DMBX1: variants seen among roughly 807,000 people sequenced by gnomAD.
The protein encoded by DMBX1 is diencephalon/mesencephalon homeobox 1.
Under a neutral mutation model 30.4 loss-of-function variants are expected in DMBX1, and 7 were observed. The observed-to-expected ratio is 0.23, with a 90% confidence interval of 0.13 to 0.43. The LOEUF is 0.43. Ranked by LOEUF, DMBX1 falls within the 20% of genes least tolerant of loss-of-function variation. The pLI, the probability that DMBX1 is intolerant of heterozygous loss-of-function variation, is 1.00. For synonymous variants in DMBX1, 222 were observed against 214.2 expected, an observed-to-expected ratio of 1.04 and a Z score of -0.32; for missense variants, 460 against 508.5, an observed-to-expected ratio of 0.90 and a Z score of 0.92.
At chr1:46,499,878 G>A (rs1170650173) in intron 2 of DMBX1, among the ~76,000 whole-genome samples, 1 of 152,204 alleles carries the variant, frequency 6.6e-6, no homozygotes, top group Non-Finnish European at 1.5e-5. Context: ...GGCACAGAGT[G>A]TGTTCAGTAC....
rs116842616 is a variant in DMBX1 at position 46,496,426 on chromosome 1, G to A, written c.-13+5643G>A. On this transcript the variant is annotated intron_variant, in intron 2 of 5. Coordinates refer to ENST00000360032, the MANE Select transcript of DMBX1 (RefSeq NM_172225.2). ...CTTAGCCTTCCCCATTCCCAAGCAG[G>A]CCAGCCAAAGGGACTCACCTTCCTT... is the stretch of plus-strand genomic sequence containing the variant. Among the ~76,000 whole-genome samples the A allele has an allele frequency of 5.5e-3, 838 of 152,270 alleles. 12 individuals are homozygous for A. The highest frequency in any genetic ancestry group is 0.054 in the East Asian group (279 of 5,182).
chr1:46,509,478 CAG>C (rs1414280592), intron 3 of DMBX1, among the ~76,000 whole-genome samples: 2 of 152,146 alleles, frequency 1.3e-5, no homozygotes, highest in African/African-American at 2.4e-5. Flanking sequence ...TCAGCACAAA[CAG>C]GGCAGGATCC....
chr1:46,511,378 C>CAGTTG, intron 5 of DMBX1, 95 bp downstream of exon 5: 1 of 1,297,190 alleles, frequency 7.7e-7, no homozygotes, highest in Non-Finnish European at 1.0e-6. Flanking sequence ...CCCTCAGGGG[C>CAGTTG]ATGGCGCATC....
At chr1:46,507,911 G>A (rs767589631) in intron 3 of DMBX1, among the ~76,000 whole-genome samples, 5 of 152,302 alleles carry the variant, frequency 3.3e-5, no homozygotes, top group Non-Finnish European at 5.9e-5. Flanking sequence ...GCATTCAGCA[G>A]AGCCTGGTAG....
chr1:46,511,102 C>T lies in DMBX1; in HGVS notation c.501C>T (p.Gly167=). 1 of 1,614,070 alleles carries T rather than the reference C, an allele frequency of 6.2e-7. No homozygotes were observed. The highest frequency in any genetic ancestry group is 8.5e-7 in the Non-Finnish European group (1 of 1,180,006). Residue 167 remains glycine, a synonymous_variant, in exon 5 of 6, where the codon GGC becomes GGT. Coordinates refer to ENST00000360032, the MANE Select transcript of DMBX1 (RefSeq NM_172225.2). ...LDTEQPPRLP[G]SDPPAELHLS... The stretch of plus-strand genomic sequence containing the variant: ...CTGAGCAGCCCCCACGTCTGCCTGG[C>T]AGCGACCCCCCTGCTGAGCTTCACC...
rs1666255237 is a variant in DMBX1, at chr1:46,507,184, G to A, written c.154+20G>A. The A allele has an allele frequency of 6.2e-7, 1 of 1,613,534 alleles. No homozygotes were observed. Among genetic ancestry groups the A allele is most frequent in the African/African-American group, 1.3e-5 (1 of 74,938 alleles). ...TGGCTGGTAAGGGCCCTGGGGATGG[G>A]ACCATGGGGACAGGACTGTGGGGGT... is the stretch of plus-strand genomic sequence containing the variant. On this transcript the variant is annotated intron_variant, in intron 3 of 5. Transcript: ENST00000360032.
At chr1:46,497,028 G>C (rs983255741) in intron 2 of DMBX1, among the ~76,000 whole-genome samples, 1 of 152,222 alleles carries the variant, frequency 6.6e-6, no homozygotes, top group African/African-American at 2.4e-5. Flanking sequence ...CATGGCAACA[G>C]GCTACTCTCG....
Position 46,493,800 on chromosome 1 carries a change from C to T in DMBX1, c.-13+3017C>T, listed in dbSNP as rs971606135. On this transcript the variant is annotated intron_variant, in intron 2 of 5. Transcript: ENST00000360032. The surrounding 1 kb of genome is among the most constrained non-coding windows in gnomAD (Gnocchi z 4.1). ...GTGTGCAGAGCAGGAGCCGCAACCGCGCTTTCTGCGCCCGCAGGACAGACC... is the reference window on the plus strand; with the variant it reads ...GTGTGCAGAGCAGGAGCCGCAACCGTGCTTTCTGCGCCCGCAGGACAGACC... 2.0e-5 allele frequency among the ~76,000 whole-genome samples: 3 copies of T among 152,262 alleles called. No homozygotes were observed. Among genetic ancestry groups the T allele is most frequent in the South Asian group, 2.1e-4 (1 of 4,834 alleles).
chr1:46,507,111 C>A lies in DMBX1; in HGVS notation c.101C>A (p.Ala34Asp), dbSNP rs1376267176. 7 of 1,614,244 alleles carry A rather than the reference C, an allele frequency of 4.3e-6. No individual in the cohort carries two copies. The highest frequency in any genetic ancestry group is 5.9e-6 in the Non-Finnish European group (7 of 1,180,044). ...CAGGCAGCCCAGCAGGCCCAGCATG[C>A]CCCCGACTACCGGCCTTCAGTGCAT... ...HQQAAQQAQHAPDYRPSVHAL... is the reference protein window; with the variant it reads ...HQQAAQQAQHDPDYRPSVHAL... Residue 34 changes from alanine to aspartate, a missense_variant, in exon 3 of 6, where the codon GCC becomes GAC. By Grantham distance (126) the Ala-to-Asp change is moderately radical (BLOSUM62 -2). Around this residue, in one of 3 missense-constraint regions of DMBX1, gnomAD observed 124 missense variants for 144.0 expected, o/e 0.86. Coordinates refer to ENST00000360032, the MANE Select transcript of DMBX1 (RefSeq NM_172225.2).
Position 46,516,191 on chromosome 1 carries a change from C to T in DMBX1, c.*3697C>T, listed in dbSNP as rs541251916. Reference sequence around the variant, plus strand: ...GTGACCTGTTCTTTGTCTTACTTGGCGAATAAAAGAGAACCCAGCAGCCCA... The same window carrying T: ...GTGACCTGTTCTTTGTCTTACTTGGTGAATAAAAGAGAACCCAGCAGCCCA... On this transcript the variant is annotated 3_prime_UTR_variant, in exon 6 of 6. Transcript: ENST00000360032. Among the ~76,000 whole-genome samples the T allele has an allele frequency of 1.3e-5, 2 of 152,148 alleles. No homozygotes were observed. Among genetic ancestry groups the T allele is most frequent in the African/African-American group, 2.4e-5 (1 of 41,420 alleles).
At chr1:46,505,530 C>T (rs1452436387) in intron 2 of DMBX1, among the ~76,000 whole-genome samples, 1 of 147,196 alleles carries the variant, frequency 6.8e-6, no homozygotes, top group East Asian at 2.0e-4. Flanking sequence ...TATTCTCACT[C>T]ATAGGTGGGA....
chr1:46,497,736 G>T (rs979266194), intron 2 of DMBX1, among the ~76,000 whole-genome samples: 1 of 152,240 alleles, frequency 6.6e-6, no homozygotes, highest in Non-Finnish European at 1.5e-5. Flanking sequence ...AGCCAGCAGC[G>T]ATGCGGGGAC....
At position 46,493,474 on chromosome 1, in the gene DMBX1, T is replaced by C. The variant is rs1665969172; in HGVS notation, c.-13+2691T>C. Among the ~76,000 whole-genome samples, 1 of 152,248 alleles carries C rather than the reference T, an allele frequency of 6.6e-6. No individual in the cohort carries two copies. The highest frequency in any genetic ancestry group is 1.5e-5 in the Non-Finnish European group (1 of 68,040). ...TTGACTCTGCCCCAGTGTTGCCTGA[T>C]GGGTGGACATCCCAGATTGGACAGA... On this transcript the variant is annotated intron_variant, in intron 2 of 5. Transcript: ENST00000360032. The surrounding 1 kb of genome is among the most constrained non-coding windows in gnomAD (Gnocchi z 4.1).
At chr1:46,498,997 G>A (rs1666073896) in intron 2 of DMBX1, among the ~76,000 whole-genome samples, 1 of 152,030 alleles carries the variant, frequency 6.6e-6, no homozygotes, top group African/African-American at 2.4e-5. Context: ...TGCACACAGT[G>A]TGCACACGAA....
In DMBX1 at chr1:46,491,011, G is replaced by T. The variant is rs1359790952; in HGVS notation, c.-13+228G>T. Among the ~76,000 whole-genome samples, 1 of 152,244 alleles carries T rather than the reference G, an allele frequency of 6.6e-6. No homozygotes were observed. The highest frequency in any genetic ancestry group is 1.5e-5 in the Non-Finnish European group (1 of 68,042). Reference sequence around the variant, plus strand: ...GGATGGCCGTAACTCAGTCGTTGACGGCGACAGGCCAGGGGCCCTGATGGA... The same window carrying T: ...GGATGGCCGTAACTCAGTCGTTGACTGCGACAGGCCAGGGGCCCTGATGGA... On this transcript the variant is annotated intron_variant, in intron 2 of 5. Transcript: ENST00000360032. This position sits in a 1 kb window ranked among gnomAD's most constrained non-coding sequence, Gnocchi z 5.5.
In DMBX1 at chr1:46,515,433, T is replaced by C. The variant is rs1044672040; in HGVS notation, c.*2939T>C. ...TCCCCTGAACTCCTAAGGGGCAATG[T>C]TCTGTCATGGCTGGAGGCAGGCCCA... On this transcript the variant is annotated 3_prime_UTR_variant, in exon 6 of 6. Coordinates refer to ENST00000360032, the MANE Select transcript of DMBX1 (RefSeq NM_172225.2). Among the ~76,000 whole-genome samples the C allele has an allele frequency of 2.0e-5, 3 of 152,162 alleles. No homozygotes were observed. The highest frequency in any genetic ancestry group is 4.4e-5 in the Non-Finnish European group (3 of 68,022).
At chr1:46,497,958 T>A (rs1199451158) in intron 2 of DMBX1, among the ~76,000 whole-genome samples, 1 of 152,200 alleles carries the variant, frequency 6.6e-6, no homozygotes, top group Non-Finnish European at 1.5e-5. Context: ...AATATATAAT[T>A]GATTCTGTTT....
At chr1:46,494,578 C>A (rs1307140135) in intron 2 of DMBX1, among the ~76,000 whole-genome samples, 1 of 152,124 alleles carries the variant, frequency 6.6e-6, no homozygotes, top group Non-Finnish European at 1.5e-5. Flanking sequence ...CCCTGAGACC[C>A]ACCGGGACCC....
In DMBX1 at chr1:46,512,668, C is replaced by T; in HGVS notation, c.*174C>T. ...GCCCGAGGTGAAGCCCACACCTACA[C>T]ACCCTCTGCATGGCCCTGCCTGGAC... On this transcript the variant is annotated 3_prime_UTR_variant, in exon 6 of 6. Coordinates refer to ENST00000360032, the MANE Select transcript of DMBX1 (RefSeq NM_172225.2). This position sits in a 1 kb window ranked among gnomAD's most constrained non-coding sequence, Gnocchi z 4.8. 2.8e-6 allele frequency: 2 copies of T among 717,196 alleles called. No individual in the cohort carries two copies. Among genetic ancestry groups the T allele is most frequent in the East Asian group, 2.7e-5 (1 of 36,558 alleles). The allele number at this position is 717,196 out of a possible 1,614,324, so 44.4% of individuals were successfully genotyped here.
Sources: allele counts gnomAD v4.1 joint callset (sites outside exome capture counted in the v4.1 genomes callset), GRCh38; gene constraint gnomAD v4.1.1; regional missense constraint gnomAD v4.1.1; non-coding constraint Gnocchi (gnomAD v3.1); transcripts MANE v1.5; gene names NCBI Gene and HGNC (gene_info 2026-07-23, HGNC 2026-07-21).